Variants in PRTFDC1 observed in about 807,000 individuals in gnomAD.
PRTFDC1 encodes phosphoribosyltransferase domain-containing protein 1.
A neutral mutation model predicts 34.6 loss-of-function variants in PRTFDC1; 38 were observed. The observed-to-expected ratio is 1.10, with a 90% CI of 0.85 to 1.44. The LOEUF (loss-of-function observed/expected upper bound fraction) is 1.44. Ranked by LOEUF, PRTFDC1 falls within the 40% of genes most tolerant of loss-of-function variation. The pLI is 0.00. For synonymous variants in PRTFDC1, 93 were observed against 98.1 expected, an observed-to-expected ratio of 0.95 and a Z score of 0.31; for missense variants, 270 against 283.0, an observed-to-expected ratio of 0.95 and a Z score of 0.33.
chr10:24,872,083 A>G lies in PRTFDC1; in HGVS notation c.340-20T>C. The G allele has an allele frequency of 6.3e-7, 1 of 1,582,400 alleles. No homozygotes were observed. The highest frequency in any genetic ancestry group is 8.7e-7 in the Non-Finnish European group (1 of 1,153,980). ...GTCATTCTGCAAAAAAGAAGAAAAA[A>G]AAGGGAGACAATTTTACCGCACAAG... On this transcript the variant is annotated intron_variant, in intron 3 of 8. Transcript: ENST00000320152.
At chr10:24,858,234 C>G (rs1018888688) in intron 5 of PRTFDC1, among the ~76,000 whole-genome samples, 158 bp downstream of exon 5, 6 of 152,174 alleles carry the variant, frequency 3.9e-5, no homozygotes, top group Admixed American at 2.0e-4. Flanking sequence ...TATTTGAAAT[C>G]AGGGACGCTA....
intron 8 of PRTFDC1, among the ~76,000 whole-genome samples, chr10:24,850,646 G>C (rs537783816): frequency 3.1e-4 from 47 of 152,044 alleles, no homozygotes; most frequent in African/African-American, 1.0e-3. Flanking sequence ...CTTTAAAGAG[G>C]GGGGAGGGGG....
chr10:24,950,257 C>G (rs755637769), intron 1 of PRTFDC1, among the ~76,000 whole-genome samples: 1 of 152,128 alleles, frequency 6.6e-6, no homozygotes, highest in Non-Finnish European at 1.5e-5. Flanking sequence ...TTGAGTACCC[C>G]TTATCCAAAA....
chr10:24,908,215 T>C, intron 3 of PRTFDC1: 1 of 332,392 alleles, frequency 3.0e-6, no homozygotes, highest in Non-Finnish European at 5.6e-6. Flanking sequence ...CTGCAGCAGA[T>C]ACATTTTTGT....
intron 3 of PRTFDC1, among the ~76,000 whole-genome samples, chr10:24,875,391 CCT>C (rs1269130308): frequency 1.3e-5 from 2 of 152,120 alleles, no homozygotes; most frequent in Non-Finnish European, 2.9e-5. Flanking sequence ...CACTGACCAA[CCT>C]CTCCCCATTC....
intron 3 of PRTFDC1, among the ~76,000 whole-genome samples, chr10:24,895,704 T>G (rs1399749811): frequency 7.5e-6 from 1 of 133,970 alleles, no homozygotes; most frequent in African/African-American, 2.9e-5. Flanking sequence ...TATATATATA[T>G]ATATATATAT....
At chr10:24,897,415 T>C (rs1848385257) in intron 3 of PRTFDC1, among the ~76,000 whole-genome samples, 1 of 152,206 alleles carries the variant, frequency 6.6e-6, no homozygotes. Context: ...TGTTCACTGA[T>C]GGCTTCTCTT....
At chr10:24,924,239 A>G (rs988565674) in intron 3 of PRTFDC1, among the ~76,000 whole-genome samples, 1 of 152,236 alleles carries the variant, frequency 6.6e-6, no homozygotes, top group African/African-American at 2.4e-5. Flanking sequence ...TCAGGATATT[A>G]CCCAGGAGAA....
At chr10:24,929,758 A>G (rs1050681414) in intron 3 of PRTFDC1, among the ~76,000 whole-genome samples, 2 of 152,188 alleles carry the variant, frequency 1.3e-5, no homozygotes, top group African/African-American at 4.8e-5. Context: ...AAAACTTGGC[A>G]AATAATGCAT....
chr10:24,924,021 G>A (rs970697084), intron 3 of PRTFDC1, among the ~76,000 whole-genome samples: 12 of 152,144 alleles, frequency 7.9e-5, no homozygotes, highest in Non-Finnish European at 1.8e-4. Flanking sequence ...AGCTTCAATA[G>A]CTGATTCGAT....
intron 3 of PRTFDC1, among the ~76,000 whole-genome samples, chr10:24,902,249 C>T (rs779357212): frequency 2.0e-5 from 3 of 151,878 alleles, no homozygotes; most frequent in Non-Finnish European, 4.4e-5. Flanking sequence ...AAGCAGCAAT[C>T]CACATTCTAG....
At chr10:24,888,500 G>A (rs532115363) in intron 3 of PRTFDC1, among the ~76,000 whole-genome samples, 7 of 152,294 alleles carry the variant, frequency 4.6e-5, no homozygotes, top group African/African-American at 1.7e-4. Flanking sequence ...GGAAGGGAGC[G>A]GACATGGGAG....
intron 3 of PRTFDC1, among the ~76,000 whole-genome samples, chr10:24,910,710 ATTTCAT>A (rs1352793603): frequency 6.6e-6 from 1 of 152,228 alleles, no homozygotes; most frequent in Admixed American, 6.5e-5. Flanking sequence ...CCACCACTGG[ATTTCAT>A]TAAATAAAAG....
At chr10:24,905,293 A>G (rs1279218146) in intron 3 of PRTFDC1, among the ~76,000 whole-genome samples, 2 of 150,488 alleles carry the variant, frequency 1.3e-5, no homozygotes, top group Non-Finnish European at 2.9e-5. Context: ...AGCCTGGGCA[A>G]CATAGTGAAA....
chr10:24,946,432 C>T (rs2132620790), intron 1 of PRTFDC1, among the ~76,000 whole-genome samples: 1 of 151,938 alleles, frequency 6.6e-6, no homozygotes, highest in South Asian at 2.1e-4. Flanking sequence ...AAAATGAATG[C>T]CAAAAATAGG....
chr10:24,926,199 A>C (rs963244298), intron 3 of PRTFDC1, among the ~76,000 whole-genome samples: 3 of 152,130 alleles, frequency 2.0e-5, no homozygotes, highest in African/African-American at 7.2e-5. Context: ...CCATGCTCTT[A>C]CCTGTGAAAC....
At chr10:24,944,090 T>C (rs1336851279) in intron 1 of PRTFDC1, among the ~76,000 whole-genome samples, 1 of 152,086 alleles carries the variant, frequency 6.6e-6, no homozygotes, top group Non-Finnish European at 1.5e-5. Flanking sequence ...TCTACCTCTG[T>C]ATTCCGAACT....
chr10:24,921,405 C>T (rs987393359), intron 3 of PRTFDC1, among the ~76,000 whole-genome samples: 5 of 152,094 alleles, frequency 3.3e-5, no homozygotes, highest in South Asian at 2.1e-4. Flanking sequence ...GCCCCCATCC[C>T]GGTCCTTCAA....
intron 3 of PRTFDC1, among the ~76,000 whole-genome samples, chr10:24,924,944 T>A (rs1848847410): frequency 6.6e-6 from 1 of 152,154 alleles, no homozygotes; most frequent in Admixed American, 6.5e-5. Context: ...TAGAAATACC[T>A]TTGACCCAGG....
Sources: allele counts gnomAD v4.1 joint callset (sites outside exome capture counted in the v4.1 genomes callset), GRCh38; gene constraint gnomAD v4.1.1; transcripts MANE v1.5; gene names NCBI Gene and HGNC (gene_info 2026-07-23, HGNC 2026-07-21).